Variants in TMC3 observed in about 807,000 individuals in gnomAD.
TMC3 encodes the protein transmembrane channel like 3, also known as transmembrane channel-like protein 3.
A neutral mutation model predicts 110.6 loss-of-function variants in TMC3; 98 were observed. That is an observed-to-expected ratio of 0.89 (90% confidence interval 0.75 to 1.05). The LOEUF is 1.05. TMC3 is among the 50% of genes least tolerant of loss of function. The pLI is 0.00. For synonymous variants in TMC3, 489 were observed against 513.1 expected (o/e 0.95, Z 0.63); for missense variants, 1,319 against 1,373.2 (o/e 0.96, Z 0.62).
rs7497202 is a variant in TMC3, at chr15:81,358,416, C to T, written c.586G>A (p.Val196Ile). ...ATCAATCTCACCCCCAGAGACCAGA[C>T]GGTGTCCAGGTCTTGGGCAGACGAA... ...QVSSAQDLDT[V>I]WSLGGYLQYS... Residue 196 changes from valine to isoleucine, a missense_variant, in exon 6 of 22, where the codon GTC (valine) becomes ATC (isoleucine). Transcript: ENST00000359440. 1.5e-3 allele frequency: 2,463 copies of T among 1,613,508 alleles called. 16 individuals are homozygous for T. In the African/African-American group the frequency reaches 0.021, roughly 14 times the overall value.
Position 81,332,872 on chromosome 15 carries a change from G to A in TMC3, c.2850C>T (p.Ser950=). The change falls in exon 22 of 22, where the codon AGC becomes AGT. Residue 950 remains serine (S), a synonymous_variant. Transcript: ENST00000359440. The part of the protein sequence containing the change: ...QLSEEEEETP[S]RDWIKRSLPP... The stretch of plus-strand genomic sequence containing the variant: ...GAAGAGACCGTTTGATCCAATCTCT[G>A]CTTGGCGTCTCCTCCTCTTCTTCAC... 1 of 1,613,388 alleles carries A rather than the reference G, an allele frequency of 6.2e-7. No homozygotes were observed. The highest frequency in any genetic ancestry group is 8.5e-7 in the Non-Finnish European group (1 of 1,179,884).
At chr15:81,340,926 C>A (rs1252381562) in intron 16 of TMC3, among the ~76,000 whole-genome samples, 1 of 152,118 alleles carries the variant, frequency 6.6e-6, no homozygotes, top group Non-Finnish European at 1.5e-5. Context: ...AGCAGTTGGG[C>A]ACAAAGGAGC....
chr15:81,356,430 CA>C lies in TMC3; in HGVS notation c.891+16del. ...GAGCTGCCCACCCCCGCAGGCTGCACAGGCTCACTCACTCACCCTGATGCTG... is the reference window on the plus strand; with the variant it reads ...GAGCTGCCCACCCCCGCAGGCTGCACGGCTCACTCACTCACCCTGATGCTG... On this transcript the variant is annotated intron_variant, in intron 8 of 21. Coordinates refer to ENST00000359440, the MANE Select transcript of TMC3 (RefSeq NM_001080532.3). 6.4e-7 allele frequency: 1 copy of C among 1,559,500 alleles called. No individual in the cohort carries two copies. Among genetic ancestry groups the C allele is most frequent in the Non-Finnish European group, 8.7e-7 (1 of 1,152,050 alleles).
intron 16 of TMC3, among the ~76,000 whole-genome samples, chr15:81,339,724 C>G (rs191339064): frequency 6.6e-6 from 1 of 152,208 alleles, no homozygotes; most frequent in Non-Finnish European, 1.5e-5. Context: ...TCCCACCCAA[C>G]CTGTTCATCT....
At chr15:81,372,865 T>C in intron 1 of TMC3, 128 bp from the exon 2 acceptor site, 1 of 579,530 alleles carries the variant, frequency 1.7e-6, no homozygotes, top group Non-Finnish European at 2.9e-6. Context: ...GTGTATGTGT[T>C]TGTGCGTGTG....
intron 13 of TMC3, 130 bp downstream of exon 13, chr15:81,344,636 C>T: frequency 1.0e-6 from 1 of 961,128 alleles, no homozygotes; most frequent in Non-Finnish European, 1.5e-6. Flanking sequence ...AATTTTGAGG[C>T]TTGGAAAATC....
intron 10 of TMC3, among the ~76,000 whole-genome samples, chr15:81,350,004 T>C (rs1208990256): frequency 6.7e-6 from 1 of 149,122 alleles, no homozygotes; most frequent in Non-Finnish European, 1.5e-5. Context: ...CCCAACTCAT[T>C]GGGAGGCTGA....
chr15:81,335,542 G>T (rs1390600680), intron 20 of TMC3: 1 of 154,662 alleles, frequency 6.5e-6, no homozygotes, highest in African/African-American at 2.4e-5. Flanking sequence ...ATTATCAATT[G>T]TAGGCTTCTC....
At chr15:81,337,569 G>A in intron 19 of TMC3, 5 of 536,040 alleles carry the variant, frequency 9.3e-6, no homozygotes, top group South Asian at 2.1e-5. Context: ...GCTTGGTGTG[G>A]TCACAGGGTG....
In TMC3 at chr15:81,332,554, G is replaced by A; in HGVS notation, c.3168C>T (p.Ser1056=). The change falls in exon 22 of 22, where the codon AGC becomes AGT. Residue 1056 remains serine (S), a synonymous_variant. Transcript: ENST00000359440. ...GGGTGACCTGCAGGTACTGGTCAGC[G>A]CTGCTGTTCTGCTGGTCACTGCTGG... ...AASSSDQQNS[S]ADQYLQVTHS... is the part of the protein sequence containing the mutation. 1 of 1,613,958 alleles carries A rather than the reference G, an allele frequency of 6.2e-7. No homozygotes were observed. The highest frequency in any genetic ancestry group is 1.1e-5 in the South Asian group (1 of 91,064).
intron 4 of TMC3, 140 bp downstream of exon 4, chr15:81,362,080 C>T (rs1894198932): frequency 7.6e-6 from 5 of 654,668 alleles, no homozygotes; most frequent in Non-Finnish European, 1.3e-5. Flanking sequence ...GTCTGTTGTT[C>T]CATATGGAGG....
At position 81,337,852 on chromosome 15, in the gene TMC3, G is replaced by T. The variant is rs1167779200; in HGVS notation, c.2154C>A (p.Ile718=). 2 of 1,613,382 alleles carry T rather than the reference G, an allele frequency of 1.2e-6. No homozygotes were observed. Among genetic ancestry groups the T allele is most frequent in the South Asian group, 1.1e-5 (1 of 91,074 alleles). Residue 718 remains isoleucine, a synonymous_variant, in exon 19 of 22, where the codon ATC becomes ATA. Transcript: ENST00000359440. The part of the protein sequence containing the change: ...KLSNHQLKMQ[I]QNARSEDKKK... ...AAGTTCATGAAATACTTGCGTTTTGGATCTGCATTTTGAGCTGGTGGTTGC... is the reference window on the plus strand; with the variant it reads ...AAGTTCATGAAATACTTGCGTTTTGTATCTGCATTTTGAGCTGGTGGTTGC...
intron 2 of TMC3, among the ~76,000 whole-genome samples, chr15:81,369,627 C>G (rs1894391362): frequency 2.6e-5 from 4 of 151,892 alleles, no homozygotes; most frequent in Non-Finnish European, 5.9e-5. Flanking sequence ...ACAGAGTTGC[C>G]TAAAACAGAG....
rs539511151 is a variant in TMC3 at position 81,343,667 on chromosome 15, A to G, written c.1647+250T>C. 6.6e-5 allele frequency among the ~76,000 whole-genome samples: 10 copies of G among 151,736 alleles called. 1 individual carries two copies. Among genetic ancestry groups the G allele is most frequent in the Non-Finnish European group, 1.0e-4 (7 of 67,908 alleles). ...TAGCTGGGCATGGTGGCATGTGCCTATAGTCCCAGCTACTCGGGAGGCTGA... is the reference window on the plus strand; with the variant it reads ...TAGCTGGGCATGGTGGCATGTGCCTGTAGTCCCAGCTACTCGGGAGGCTGA... On this transcript the variant is annotated intron_variant, in intron 14 of 21. Transcript: ENST00000359440.
At chr15:81,366,324 G>T (rs1894316066) in intron 3 of TMC3, among the ~76,000 whole-genome samples, 1 of 152,180 alleles carries the variant, frequency 6.6e-6, no homozygotes, top group South Asian at 2.1e-4. Flanking sequence ...AAAAGTAAAT[G>T]GGAAGAGTGG....
chr15:81,351,123 CT>C (rs1297013121), intron 10 of TMC3, among the ~76,000 whole-genome samples: 1 of 152,050 alleles, frequency 6.6e-6, no homozygotes, highest in Non-Finnish European at 1.5e-5. Flanking sequence ...GTCGGTGAGG[CT>C]CAAAGGTAGA....
chr15:81,359,360 C>T lies in TMC3; in HGVS notation c.501+5G>A, dbSNP rs773284625. The T allele has an allele frequency of 6.3e-7, 1 of 1,588,940 alleles. No homozygotes were observed. The highest frequency in any genetic ancestry group is 8.6e-7 in the Non-Finnish European group (1 of 1,167,284). On this transcript the variant is annotated splice_donor_5th_base_variant and intron_variant, in intron 5 of 21. Coordinates refer to ENST00000359440, the MANE Select transcript of TMC3 (RefSeq NM_001080532.3). ...AATGAGTGGTACTTTCCTGAAACAT[C>T]TTACCTCTGGAATGACAATAAAAGC...
At position 81,344,963 on chromosome 15, in the gene TMC3, AGGT is replaced by A. The variant is rs1168654842; in HGVS notation, c.1318_1320del (p.Thr440del). 2 of 1,606,682 alleles carry A rather than the reference AGGT, an allele frequency of 1.2e-6. No homozygotes were observed. The highest frequency in any genetic ancestry group is 1.7e-6 in the Non-Finnish European group (2 of 1,176,520). ...TCAGGGGCTGTCCTGGTTGCAAAGAAGGTGGTGGAATCTATCCAATGACTTGTG... is the reference window on the plus strand; with the variant it reads ...TCAGGGGCTGTCCTGGTTGCAAAGAAGGTGGAATCTATCCAATGACTTGTG... On this transcript the variant is annotated inframe_deletion, in exon 13 of 22. Transcript: ENST00000359440.
At chr15:81,346,663 C>T (rs1596083982) in intron 11 of TMC3, among the ~76,000 whole-genome samples, 3 of 152,296 alleles carry the variant, frequency 2.0e-5, no homozygotes, top group East Asian at 3.9e-4. Context: ...ACAGCCTTTC[C>T]AGGTGATTCT....
Sources: allele counts gnomAD v4.1 joint callset (sites outside exome capture counted in the v4.1 genomes callset), GRCh38; gene constraint gnomAD v4.1.1; transcripts MANE v1.5; gene names NCBI Gene and HGNC (gene_info 2026-07-23, HGNC 2026-07-21).